The following PRDM11 variants were observed in gnomAD, a reference collection of about 807,000 sequenced individuals.
PRDM11 encodes PR domain-containing protein 11.
In PRDM11, 20 loss-of-function variants were observed where a neutral mutation model predicts 97.8. That is an observed-to-expected ratio of 0.20 (90% CI 0.14 to 0.30). The LOEUF is 0.30. Ranked by LOEUF, PRDM11 falls within the 10% of genes least tolerant of loss-of-function variation. The pLI is 1.00. For synonymous variants in PRDM11, 599 were observed against 637.7 expected, an observed-to-expected ratio of 0.94 and a Z score of 0.91; for missense variants, 1,139 against 1,555.2, an observed-to-expected ratio of 0.73 and a Z score of 4.50.
intron 4 of PRDM11, among the ~76,000 whole-genome samples, chr11:45,201,667 A>T (rs868047862): frequency 5.9e-5 from 9 of 152,092 alleles, no homozygotes; most frequent in South Asian, 2.1e-4. Flanking sequence ...CTAATTTTTT[A>T]AAAAATTCTT....
chr11:45,110,659 G>T (rs1852157407), intron 1 of PRDM11, among the ~76,000 whole-genome samples: 1 of 152,234 alleles, frequency 6.6e-6, no homozygotes, highest in African/African-American at 2.4e-5. Context: ...GAGTGTCCTG[G>T]ACCGGTGGCC....
Position 45,179,642 on chromosome 11 carries a change from G to C in PRDM11, c.-6-2119G>C, listed in dbSNP as rs372573230. On this transcript the variant is annotated intron_variant, in intron 1 of 7. Transcript: ENST00000683152. Reference sequence around the variant, plus strand: ...GTGTCCTCATGGTGGAGAGGGCCCTGGTGTGTCTTCCTCTCCTTATAAGGG... The same window carrying C: ...GTGTCCTCATGGTGGAGAGGGCCCTCGTGTGTCTTCCTCTCCTTATAAGGG... 1.3e-4 allele frequency among the ~76,000 whole-genome samples: 20 copies of C among 152,246 alleles called. No individual in the cohort carries two copies. The East Asian group carries it at 3.9e-3, about 29-fold the overall frequency.
intron 5 of PRDM11, chr11:45,212,721 A>G: frequency 2.2e-6 from 1 of 456,320 alleles, no homozygotes; most frequent in Non-Finnish European, 4.4e-6. Flanking sequence ...CAGCTCCTCC[A>G]CGTCCATGCC....
chr11:45,220,235 T>C (rs971540600), intron 6 of PRDM11, among the ~76,000 whole-genome samples: 6 of 152,234 alleles, frequency 3.9e-5, no homozygotes, highest in African/African-American at 7.2e-5. Flanking sequence ...TAAAAGTTTG[T>C]GAAGAGTAGA....
chr11:45,177,112 A>T (rs988129511), intron 1 of PRDM11, among the ~76,000 whole-genome samples: 1 of 152,210 alleles, frequency 6.6e-6, no homozygotes, highest in Non-Finnish European at 1.5e-5. Context: ...CCTCTAGGGA[A>T]ACCAAGTGGG....
chr11:45,124,511 C>T (rs1373275553), intron 1 of PRDM11, among the ~76,000 whole-genome samples: 1 of 152,112 alleles, frequency 6.6e-6, no homozygotes, highest in African/African-American at 2.4e-5. Context: ...TTTTGAGATA[C>T]GTCCCATCAA....
Position 45,181,326 on chromosome 11 carries a change from G to C in PRDM11, c.-6-435G>C, listed in dbSNP as rs565342788. The stretch of plus-strand genomic sequence containing the variant: ...CAGTCCCAGGGTGAGGGGCTGCCCT[G>C]CCAGGCGCTGAGGGCCCGTTCGGTC... On this transcript the variant is annotated intron_variant, in intron 1 of 7. Coordinates refer to ENST00000683152, the MANE Select transcript of PRDM11 (RefSeq NM_001384648.1). Among the ~76,000 whole-genome samples the C allele has an allele frequency of 5.3e-5, 8 of 152,318 alleles. No individual in the cohort carries two copies. In the South Asian group the frequency reaches 1.7e-3, roughly 32 times the overall value.
chr11:45,212,019 G>A lies in PRDM11; in HGVS notation c.554+7241G>A, dbSNP rs961412228. 4.6e-5 allele frequency among the ~76,000 whole-genome samples: 7 copies of A among 152,210 alleles called. No individual in the cohort carries two copies. The South Asian group carries it at 6.2e-4, about 14-fold the overall frequency. On this transcript the variant is annotated intron_variant, in intron 5 of 7. Coordinates refer to ENST00000683152, the MANE Select transcript of PRDM11 (RefSeq NM_001384648.1). The stretch of plus-strand genomic sequence containing the variant: ...TTTAGGCAGGTGCCGCTCCTTCAGC[G>A]TTACAGAGCACCTTCATGTTTGTCA...
chr11:45,194,866 G>A (rs1565312051), intron 4 of PRDM11, among the ~76,000 whole-genome samples: 1 of 151,948 alleles, frequency 6.6e-6, no homozygotes. Flanking sequence ...CCAAAGTGCT[G>A]GGATTACAGG....
rs1327829429 is a variant in PRDM11, at chr11:45,219,416, T to G, written c.555-154T>G. On this transcript the variant is annotated intron_variant, in intron 5 of 7. Coordinates refer to ENST00000683152, the MANE Select transcript of PRDM11 (RefSeq NM_001384648.1). The surrounding 1 kb of genome is among the most constrained non-coding windows in gnomAD (Gnocchi z 4.2). ...GGGATGGGTTCTGGCTGGTGCTGCT[T>G]CTCCGGACAGGGCAGCTGCTCTGCT... Among the ~76,000 whole-genome samples the G allele has an allele frequency of 6.6e-6, 1 of 152,026 alleles. No individual in the cohort carries two copies. The highest frequency in any genetic ancestry group is 1.5e-5 in the Non-Finnish European group (1 of 68,002).
chr11:45,151,970 T>C (rs1408167871), intron 1 of PRDM11, among the ~76,000 whole-genome samples: 1 of 152,154 alleles, frequency 6.6e-6, no homozygotes, highest in Non-Finnish European at 1.5e-5. Flanking sequence ...ATTGGTTGCA[T>C]CCTCTCCCTA....
chr11:45,172,050 G>T (rs1056979256), intron 1 of PRDM11, among the ~76,000 whole-genome samples: 1 of 152,138 alleles, frequency 6.6e-6, no homozygotes, highest in African/African-American at 2.4e-5. Flanking sequence ...CATAAATCCA[G>T]GGCTCCTACA....
chr11:45,185,850 G>A (rs1404644574), intron 4 of PRDM11, among the ~76,000 whole-genome samples: 1 of 152,100 alleles, frequency 6.6e-6, no homozygotes, highest in African/African-American at 2.4e-5. Context: ...TAAGGATCTT[G>A]AGATGGGAGC....
At chr11:45,123,814 A>G (rs1332999427) in intron 1 of PRDM11, among the ~76,000 whole-genome samples, 3 of 151,936 alleles carry the variant, frequency 2.0e-5, no homozygotes, top group Non-Finnish European at 4.4e-5. Flanking sequence ...CTTAGGATTG[A>G]CTTGGCGATG....
Position 45,181,880 on chromosome 11 carries a change from G to T in PRDM11, c.114G>T (p.Gln38His), listed in dbSNP as rs1188659235. ...CACTCCGAGACCAGGAGTATGGCCA[G>T]CCCTGGTGAGGCCCCTGTGTGGGAA... ...CSPLRDQEYG[Q>H]PCSRRPDSSA... Residue 38 changes from glutamine (Q) to histidine (H), a missense_variant, in exon 2 of 8, where the codon CAG becomes CAT. Coordinates refer to ENST00000683152, the MANE Select transcript of PRDM11 (RefSeq NM_001384648.1). The T allele has an allele frequency of 3.1e-6, 5 of 1,611,770 alleles. No homozygotes were observed. In the Admixed American group the frequency reaches 5.0e-5, roughly 16 times the overall value.
intron 1 of PRDM11, among the ~76,000 whole-genome samples, chr11:45,113,827 T>G (rs1400205004): frequency 0.011 from 1,237 of 108,766 alleles, 21 homozygotes; most frequent in African/African-American, 0.037. Flanking sequence ...TGTGTGTGTT[T>G]TGTTTTTTTT....
At chr11:45,163,965 G>GCC (rs940030270) in intron 1 of PRDM11, among the ~76,000 whole-genome samples, 1 of 152,188 alleles carries the variant, frequency 6.6e-6, no homozygotes, top group African/African-American at 2.4e-5. Context: ...AGGTTTGGCA[G>GCC]CCAGCAGCCA....
intron 1 of PRDM11, among the ~76,000 whole-genome samples, chr11:45,135,305 T>C (rs1269592941): frequency 6.6e-6 from 1 of 152,232 alleles, no homozygotes; most frequent in Non-Finnish European, 1.5e-5. Context: ...TTCTAGCTAA[T>C]GCAATAATAT....
chr11:45,196,596 C>G (rs1022653086), intron 4 of PRDM11, among the ~76,000 whole-genome samples: 3 of 152,318 alleles, frequency 2.0e-5, no homozygotes, highest in South Asian at 4.2e-4. Context: ...TGAGGCCAGT[C>G]TGCTTGACAG....
Sources: gnomAD v4.1 joint callset for allele counts (sites outside exome capture counted in the v4.1 genomes callset) on GRCh38, gnomAD v4.1.1 for gene constraint, Gnocchi (gnomAD v3.1) non-coding constraint, MANE v1.5 for transcripts, NCBI Gene and HGNC (gene_info 2026-07-23, HGNC 2026-07-21) for gene names.